The following HDAC9 variants were observed in gnomAD, a reference collection of about 807,000 sequenced individuals.
HDAC9 encodes the protein MEF-2 interacting transcription repressor (MITR) protein.
Under a neutral mutation model 139.4 loss-of-function variants are expected in HDAC9, and 41 were observed. The ratio of observed to expected loss-of-function variants is 0.29; its 90% CI spans 0.23 to 0.38. The LOEUF is 0.38. Among genes scored for constraint, HDAC9 ranks in the 10% least tolerant of loss-of-function variants. HDAC9 has a pLI of 1.00. For synonymous variants in HDAC9, 517 were observed against 476.2 expected (o/e 1.09, Z -1.12); for missense variants, 1,147 against 1,297.0 (o/e 0.88, Z 1.78).
intron 1 of HDAC9, among the ~76,000 whole-genome samples, chr7:18,313,868 G>T (rs1799472055): frequency 6.6e-6 from 1 of 152,116 alleles, no homozygotes; most frequent in Non-Finnish European, 1.5e-5. Context: ...AATCAAGTTG[G>T]ACTGCAATCA....
At chr7:18,670,765 G>A (rs801525) in intron 12 of HDAC9, among the ~76,000 whole-genome samples, 37,672 of 151,602 alleles carry the variant, frequency 0.25, 7,679 homozygotes, top group African/African-American at 0.56. Flanking sequence ...AATTTATTCA[G>A]TTGTTTCTCT....
intron 1 of HDAC9, among the ~76,000 whole-genome samples, chr7:18,473,185 G>A (rs1383475889): frequency 1.3e-5 from 2 of 152,172 alleles, no homozygotes; most frequent in East Asian, 3.8e-4. Flanking sequence ...TTGGGGATTT[G>A]CAGCAACTTT....
intron 2 of HDAC9, among the ~76,000 whole-genome samples, chr7:18,221,721 T>C (rs1314989354): frequency 6.6e-6 from 1 of 152,202 alleles, no homozygotes; most frequent in Non-Finnish European, 1.5e-5. Context: ...TGTTAATTTT[T>C]TTTTTATGCC....
intron 1 of HDAC9, among the ~76,000 whole-genome samples, chr7:18,320,682 T>C (rs991565633): frequency 2.0e-5 from 3 of 152,210 alleles, no homozygotes; most frequent in African/African-American, 7.2e-5. Context: ...TTGGTAGATA[T>C]AATTATGTCC....
chr7:18,130,498 G>A (rs1283724300), intron 1 of HDAC9, among the ~76,000 whole-genome samples: 1 of 151,860 alleles, frequency 6.6e-6, no homozygotes, highest in Non-Finnish European at 1.5e-5. Flanking sequence ...TCCTTTCTTG[G>A]TAACAGCTTT....
chr7:18,125,228 C>G (rs968850174), intron 1 of HDAC9, among the ~76,000 whole-genome samples: 3 of 151,972 alleles, frequency 2.0e-5, no homozygotes, highest in African/African-American at 7.3e-5. Flanking sequence ...TCCTGCCACC[C>G]GGGACACTGC....
chr7:18,250,421 C>G (rs1327276557), intron 2 of HDAC9, among the ~76,000 whole-genome samples: 1 of 152,166 alleles, frequency 6.6e-6, no homozygotes, highest in African/African-American at 2.4e-5. Flanking sequence ...TTTTATGTCC[C>G]TGAGCCTTCA....
At chr7:18,563,939 A>C (rs1321896400) in intron 2 of HDAC9, among the ~76,000 whole-genome samples, 2 of 150,872 alleles carry the variant, frequency 1.3e-5, no homozygotes, top group Non-Finnish European at 2.9e-5. Context: ...AGGTTCAAGC[A>C]ATTCTCCTGC....
intron 2 of HDAC9, among the ~76,000 whole-genome samples, chr7:18,173,811 C>CA (rs1328884450): frequency 9.2e-5 from 14 of 152,152 alleles, no homozygotes; most frequent in African/African-American, 3.1e-4. Flanking sequence ...GTAGAGAGAT[C>CA]AGCTGTTAGT....
intron 1 of HDAC9, among the ~76,000 whole-genome samples, chr7:18,336,552 C>T (rs1781600126): frequency 6.6e-6 from 1 of 151,590 alleles, no homozygotes; most frequent in African/African-American, 2.4e-5. Context: ...AAGAATAAAA[C>T]TGATAGAAAT....
chr7:18,786,615 T>TTCCTCCC (rs1243651492), intron 16 of HDAC9, among the ~76,000 whole-genome samples: 1 of 32,566 alleles, frequency 3.1e-5, no homozygotes, highest in African/African-American at 9.7e-5. Context: ...CCTTCCTTCC[T>TTCCTCCC]TCCCTCCCTC....
chr7:18,134,124 A>G (rs1785229172), intron 1 of HDAC9, among the ~76,000 whole-genome samples: 1 of 151,860 alleles, frequency 6.6e-6, no homozygotes, highest in Non-Finnish European at 1.5e-5. Context: ...TTTCCTGTAA[A>G]TGTGTTGGCT....
intron 24 of HDAC9, among the ~76,000 whole-genome samples, chr7:18,967,977 A>G (rs1039404971): frequency 6.6e-6 from 1 of 152,052 alleles, no homozygotes; most frequent in Non-Finnish European, 1.5e-5. Flanking sequence ...AGCCTGACCA[A>G]CTTGGAGAAA....
At chr7:18,728,952 T>C (rs1785794609) in intron 13 of HDAC9, among the ~76,000 whole-genome samples, 1 of 152,182 alleles carries the variant, frequency 6.6e-6, no homozygotes, top group Non-Finnish European at 1.5e-5. Flanking sequence ...TACTAGCCAT[T>C]GCCTCTGACT....
At chr7:18,491,423 A>G (rs1796355991), upstream of HDAC9, among the ~76,000 whole-genome samples, 1 of 151,970 alleles carries the variant, frequency 6.6e-6, no homozygotes, top group Non-Finnish European at 1.5e-5. Flanking sequence ...GAAATGTATA[A>G]ATGCATATCA....
At chr7:18,460,212 G>A (rs1793714046) in intron 1 of HDAC9, among the ~76,000 whole-genome samples, 1 of 151,994 alleles carries the variant, frequency 6.6e-6, no homozygotes, top group South Asian at 2.1e-4. Context: ...AATCATAGTT[G>A]TTCATGAGTA....
chr7:18,968,855 A>C lies in HDAC9; in HGVS notation c.3023-6951A>C, dbSNP rs961600015. On this transcript the variant is annotated intron_variant, in intron 24 of 25. Transcript: ENST00000686413. Reference sequence around the variant, plus strand: ...GCGCCTGTAGTCCCAGCTACTCAGGAGGCTGAGCCAGGAGAATGGTGTGAA... The same window carrying C: ...GCGCCTGTAGTCCCAGCTACTCAGGCGGCTGAGCCAGGAGAATGGTGTGAA... Among the ~76,000 whole-genome samples, 5 of 147,370 alleles carry C rather than the reference A, an allele frequency of 3.4e-5. No homozygotes were observed. The East Asian group carries it at 6.4e-4, about 19-fold the overall frequency.
chr7:18,548,181 C>CT (rs1815813379), intron 2 of HDAC9, among the ~76,000 whole-genome samples: 1 of 152,036 alleles, frequency 6.6e-6, no homozygotes, highest in South Asian at 2.1e-4. Context: ...AGACTGACTG[C>CT]TGGTCAGTGA....
chr7:18,714,972 A>G (rs560948819), intron 12 of HDAC9, among the ~76,000 whole-genome samples: 3 of 152,274 alleles, frequency 2.0e-5, no homozygotes, highest in East Asian at 3.9e-4. Flanking sequence ...TAAATTATCA[A>G]TGCCTTTTTG....
Sources: gnomAD v4.1 joint callset for allele counts (sites outside exome capture counted in the v4.1 genomes callset) on GRCh38, gnomAD v4.1.1 for gene constraint, MANE v1.5 for transcripts, NCBI Gene and HGNC (gene_info 2026-07-23, HGNC 2026-07-21) for gene names.